Variants in ORAI2 observed in about 807,000 individuals in gnomAD.
ORAI2 encodes ORAI calcium release-activated calcium modulator 2.
Under a neutral mutation model 16.2 loss-of-function variants are expected in ORAI2, and 10 were observed. That is an observed-to-expected ratio of 0.62 (90% CI 0.38 to 1.04). The LOEUF is 1.04. Ranked by LOEUF, ORAI2 falls within the 50% of genes least tolerant of loss-of-function variation. The pLI, the probability that ORAI2 is intolerant of heterozygous loss-of-function variation, is 0.01. For synonymous variants in ORAI2, 150 were observed against 157.5 expected (o/e 0.95, Z 0.35); for missense variants, 238 against 355.5 (o/e 0.67, Z 2.66).
At position 102,456,444 on chromosome 7, in the gene ORAI2, G is replaced by T. The variant is rs991559303; in HGVS notation, c.*9392G>T. The T allele has an allele frequency of 2.6e-5, 4 of 152,182 alleles. No individual in the cohort carries two copies. The highest frequency in any genetic ancestry group is 9.7e-5 in the African/African-American group (4 of 41,416). The allele number at this position is 152,182 out of a possible 1,614,324, so 9.4% of individuals were successfully genotyped here. ...ATGTTTGTATTTTTTGTAGAGATGG[G>T]GGTCTCACTATGTTGCCCAGGCTGG... On this transcript the variant is annotated 3_prime_UTR_variant, in exon 4 of 4. Coordinates refer to ENST00000495936, the MANE Select transcript of ORAI2 (RefSeq NM_001126340.3).
intron 2 of ORAI2, among the ~76,000 whole-genome samples, chr7:102,438,360 A>T (rs994194517): frequency 1.3e-5 from 2 of 152,070 alleles, no homozygotes; most frequent in African/African-American, 4.8e-5. Context: ...ATAAAATAAA[A>T]ATAAATAAAA....
rs537265008 is a variant in ORAI2, at chr7:102,436,399, G to A, written c.-14+66G>A. On this transcript the variant is annotated intron_variant, in intron 2 of 3. Transcript: ENST00000495936. ...CCAGAGGTCTTGTTGGCCAGGGAAG[G>A]CTGTGGCTTTGTAGCCTTGTTGAGA... 21 of 951,210 alleles carry A rather than the reference G, an allele frequency of 2.2e-5. No individual in the cohort carries two copies. The East Asian group carries it at 2.1e-3, about 94-fold the overall frequency. 58.9% of individuals were successfully genotyped at this position (951,210 alleles called of 1,614,324 possible).
rs1434661614 is a variant in ORAI2 at position 102,436,701 on chromosome 7, TC to T, written c.-14+369del. On this transcript the variant is annotated intron_variant, in intron 2 of 3. Transcript: ENST00000495936. ...GGACATAGAAGTTACTCTTTTCGTTTCTTTTTTTTCTTTTCTTTTCTTTTTT... is the reference window on the plus strand; with the variant it reads ...GGACATAGAAGTTACTCTTTTCGTTTTTTTTTTTCTTTTCTTTTCTTTTTT... 5.3e-5 allele frequency among the ~76,000 whole-genome samples: 8 copies of T among 152,206 alleles called. No individual in the cohort carries two copies. In the East Asian group the frequency reaches 1.5e-3, roughly 29 times the overall value.
rs574545945 is a variant in ORAI2, at chr7:102,450,189, C to G, written c.*3137C>G. ...TCCAGCCTGGGTGACAGAGTGAGAC[C>G]CTGTCTCTAAAAAAAAAAAAAAGAA... On this transcript the variant is annotated 3_prime_UTR_variant, in exon 4 of 4. Coordinates refer to ENST00000495936, the MANE Select transcript of ORAI2 (RefSeq NM_001126340.3). 6.6e-5 allele frequency: 10 copies of G among 151,484 alleles called. No homozygotes were observed. The highest frequency in any genetic ancestry group is 4.6e-4 in the Admixed American group (7 of 15,214). The allele number at this position is 151,484 out of a possible 1,614,324, so 9.4% of individuals were successfully genotyped here. A position where few individuals can be genotyped will look rare whatever the true frequency, so the allele number is the denominator to read the frequency against.
rs571216476 is a variant in ORAI2 at position 102,441,554 on chromosome 7, A to G, written c.225+2373A>G. On this transcript the variant is annotated intron_variant, in intron 3 of 3. Transcript: ENST00000495936. ...ACTGCATCTCAAAAAAAAAAAAAAG[A>G]AAAAAAAAAAACCAGAGGTGGCTCT... Among the ~76,000 whole-genome samples the G allele has an allele frequency of 3.1e-3, 441 of 142,838 alleles. 6 individuals are homozygous for G. Among genetic ancestry groups the G allele is most frequent in the African/African-American group, 0.011 (423 of 37,792 alleles). The allele number at this position is 142,838 out of a possible 152,430, so 93.7% of individuals were successfully genotyped here. A position where few individuals can be genotyped will look rare whatever the true frequency, so the allele number is the denominator to read the frequency against.
intron 3 of ORAI2, among the ~76,000 whole-genome samples, chr7:102,443,135 T>TCTTCTTCTTC (rs1563636658): frequency 7.7e-6 from 1 of 129,992 alleles, no homozygotes; most frequent in African/African-American, 3.7e-5. Flanking sequence ...CTTCTTCTTT[T>TCTTCTTCTTC]TTTTTTTTTT....
chr7:102,435,218 C>G (rs746966708), intron 1 of ORAI2, among the ~76,000 whole-genome samples: 9 of 152,194 alleles, frequency 5.9e-5, no homozygotes, highest in Non-Finnish European at 1.2e-4. Context: ...TTGCAGGGAG[C>G]TGAGATTGTG....
Position 102,446,495 on chromosome 7 carries a change from C to T in ORAI2, c.226-18C>T, listed in dbSNP as rs371302134. 4.4e-6 allele frequency: 7 copies of T among 1,593,458 alleles called. No homozygotes were observed. Among genetic ancestry groups the T allele is most frequent in the South Asian group, 1.1e-5 (1 of 87,892 alleles). On this transcript the variant is annotated intron_variant, in intron 3 of 3. Transcript: ENST00000495936. ...TGCCCTCTCCACACCCAGCACCACT[C>T]GTCTGCTGTCCCCGCAGGTGGCCAT...
chr7:102,448,078 A>G lies in ORAI2; in HGVS notation c.*1026A>G, dbSNP rs1797420305. The G allele has an allele frequency of 6.6e-6, 1 of 152,360 alleles. No homozygotes were observed. Among genetic ancestry groups the G allele is most frequent in the Non-Finnish European group, 1.5e-5 (1 of 68,142 alleles). 9.4% of individuals were successfully genotyped at this position (152,360 alleles called of 1,614,324 possible). On this transcript the variant is annotated 3_prime_UTR_variant, in exon 4 of 4. Coordinates refer to ENST00000495936, the MANE Select transcript of ORAI2 (RefSeq NM_001126340.3). ...GGGGACTTCCTGCCTAGGCAAGGTCATTGGCCGGGCCTGGCCTGTGGATAG... is the reference window on the plus strand; with the variant it reads ...GGGGACTTCCTGCCTAGGCAAGGTCGTTGGCCGGGCCTGGCCTGTGGATAG...
At position 102,441,168 on chromosome 7, in the gene ORAI2, C is replaced by T. The variant is rs1021341948; in HGVS notation, c.225+1987C>T. The stretch of plus-strand genomic sequence containing the variant: ...TCGGCCTCCCAAAGTGCTGGGATTA[C>T]AGGCAGGAGCCACCGTGCCCAGCCT... On this transcript the variant is annotated intron_variant, in intron 3 of 3. Transcript: ENST00000495936. 3.3e-5 allele frequency among the ~76,000 whole-genome samples: 5 copies of T among 149,670 alleles called. No individual in the cohort carries two copies. In the East Asian group the frequency reaches 8.4e-4, roughly 25 times the overall value.
rs1209323269 is a variant in ORAI2, at chr7:102,451,255, CA to C, written c.*4204del. On this transcript the variant is annotated 3_prime_UTR_variant, in exon 4 of 4. Transcript: ENST00000495936. The stretch of plus-strand genomic sequence containing the variant: ...TGCCTCAGTTTGCCCGGGAGCCAGC[CA>C]GGGCCCATCCTAATTTGGAGCACAG... 6.6e-6 allele frequency: 1 copy of C among 151,928 alleles called. No individual in the cohort carries two copies. Among genetic ancestry groups the C allele is most frequent in the Non-Finnish European group, 1.5e-5 (1 of 68,052 alleles). 9.4% of individuals were successfully genotyped at this position (151,928 alleles called of 1,614,324 possible).
At chr7:102,445,882 T>C (rs1797343058) in intron 3 of ORAI2, among the ~76,000 whole-genome samples, 1 of 142,898 alleles carries the variant, frequency 7.0e-6, no homozygotes, top group Non-Finnish European at 1.5e-5. Flanking sequence ...TTTCTTTCTC[T>C]CTCTTTCTTT....
At chr7:102,442,943 C>T (rs1297881807) in intron 3 of ORAI2, among the ~76,000 whole-genome samples, 9 of 151,864 alleles carry the variant, frequency 5.9e-5, no homozygotes, top group African/African-American at 2.2e-4. Flanking sequence ...TCACTTGAAC[C>T]CGGGAAGCAG....
At chr7:102,442,414 C>T (rs1797230568) in intron 3 of ORAI2, among the ~76,000 whole-genome samples, 1 of 152,084 alleles carries the variant, frequency 6.6e-6, no homozygotes, top group Non-Finnish European at 1.5e-5. Flanking sequence ...TTAGGCTGGG[C>T]GCAGTGGCTC....
At position 102,438,984 on chromosome 7, in the gene ORAI2, G is replaced by C. The variant is rs751764863; in HGVS notation, c.28G>C (p.Asp10His). Residue 10 changes from aspartate (D) to histidine (H), a missense_variant, in exon 3 of 4, where the codon GAC (aspartate) becomes CAC (histidine). Around this residue, in one of 3 missense-constraint regions of ORAI2, gnomAD observed 61 missense variants for 72.7 expected, o/e 0.84. Coordinates refer to ENST00000495936, the MANE Select transcript of ORAI2 (RefSeq NM_001126340.3). MSAELNVPI[D>H]PSAPACPEPG... is the part of the protein sequence containing the mutation. ...GAGTGCTGAGCTTAACGTGCCTATC[G>C]ACCCCTCTGCTCCTGCCTGCCCTGA... 1.9e-6 allele frequency: 3 copies of C among 1,613,798 alleles called. No individual in the cohort carries two copies. Among genetic ancestry groups the C allele is most frequent in the Non-Finnish European group, 8.5e-7 (1 of 1,180,000 alleles).
In ORAI2 at chr7:102,450,823, G is replaced by A. The variant is rs1379739778; in HGVS notation, c.*3771G>A. On this transcript the variant is annotated 3_prime_UTR_variant, in exon 4 of 4. Transcript: ENST00000495936. ...TGGAGCTGCAGAAACGCCTTGAAGG[G>A]CAGCATGGGCGATGAGGAATGCCAT... is the stretch of plus-strand genomic sequence containing the variant. 2.6e-5 allele frequency: 4 copies of A among 152,258 alleles called. No individual in the cohort carries two copies. The highest frequency in any genetic ancestry group is 9.7e-5 in the African/African-American group (4 of 41,446). 9.4% of individuals were successfully genotyped at this position (152,258 alleles called of 1,614,324 possible).
intron 3 of ORAI2, among the ~76,000 whole-genome samples, chr7:102,445,842 C>G (rs1797339822): frequency 6.6e-6 from 1 of 151,722 alleles, no homozygotes; most frequent in Non-Finnish European, 1.5e-5. Context: ...TTTTCTCTTT[C>G]TTTTCTTTCT....
rs778181215 is a variant in ORAI2, at chr7:102,439,180, T to G, written c.224T>G (p.Met75Arg). The change falls in exon 3 of 4, where the codon ATG (methionine) becomes AGG (arginine). Residue 75 changes from methionine to arginine, a missense_variant and splice_region_variant. Met to Arg is a moderately conservative substitution (Grantham distance 91, BLOSUM62 -1). Around this residue, in one of 3 missense-constraint regions of ORAI2, gnomAD observed 176 missense variants for 265.9 expected, o/e 0.66. Coordinates refer to ENST00000495936, the MANE Select transcript of ORAI2 (RefSeq NM_001126340.3). ...RTSALLSGFAMVAMVEVQLET... is the reference protein window; with the variant it reads ...RTSALLSGFARVAMVEVQLET... ...TCCGCCCTCCTCTCCGGCTTTGCCA[T>G]GGTGAGTGTGGGCGCCAAGTGAGGA... 6.2e-7 allele frequency: 1 copy of G among 1,612,908 alleles called. No homozygotes were observed. The highest frequency in any genetic ancestry group is 1.3e-5 in the African/African-American group (1 of 75,036).
intron 3 of ORAI2, among the ~76,000 whole-genome samples, chr7:102,442,269 AGGGCC>A (rs1797227002): frequency 6.6e-6 from 1 of 151,570 alleles, no homozygotes. Context: ...TATGAAAAGG[AGGGCC>A]GGGCGCCATG....
Sources: gnomAD v4.1 joint callset for allele counts (sites outside exome capture counted in the v4.1 genomes callset) on GRCh38, gnomAD v4.1.1 for gene constraint, gnomAD v4.1.1 regional missense constraint, MANE v1.5 for transcripts, NCBI Gene and HGNC (gene_info 2026-07-23, HGNC 2026-07-21) for gene names.